PPP3CC: variants seen among roughly 807,000 people sequenced by gnomAD.
The protein encoded by PPP3CC is serine/threonine-protein phosphatase 2B catalytic subunit gamma isoform.
Under a neutral mutation model 60.3 loss-of-function variants are expected in PPP3CC, and 35 were observed. The observed-to-expected ratio is 0.58, with a 90% CI of 0.44 to 0.77. The LOEUF is 0.77. PPP3CC is among the 30% of genes least tolerant of loss of function. PPP3CC has a pLI of 0.00. For missense variants in PPP3CC, 570 were observed against 628.9 expected (o/e 0.91, Z 1.00); for synonymous variants, 206 against 224.3 (o/e 0.92, Z 0.73).
chr8:22,528,199 A>G (rs926175318), intron 9 of PPP3CC, among the ~76,000 whole-genome samples: 1 of 152,174 alleles, frequency 6.6e-6, no homozygotes, highest in Non-Finnish European at 1.5e-5. Flanking sequence ...GTAAAGTGGG[A>G]AAAAAATTTT....
At chr8:22,536,539 GC>G (rs1411674303) in intron 12 of PPP3CC, among the ~76,000 whole-genome samples, 1 of 152,218 alleles carries the variant, frequency 6.6e-6, no homozygotes, top group Non-Finnish European at 1.5e-5. Context: ...TTTGGGCTCA[GC>G]CCCAAAGTAT....
chr8:22,492,926 C>T, intron 3 of PPP3CC: 15 of 1,236,352 alleles, frequency 1.2e-5, no homozygotes, highest in Middle Eastern at 2.4e-4. Context: ...GCATCTTAAA[C>T]CAGCTTGGTG....
chr8:22,522,228 G>C (rs988893072), intron 6 of PPP3CC, among the ~76,000 whole-genome samples: 12 of 151,838 alleles, frequency 7.9e-5, no homozygotes, highest in African/African-American at 2.7e-4. Flanking sequence ...TATGGATTAA[G>C]ACAAAAAAAT....
intron 4 of PPP3CC, among the ~76,000 whole-genome samples, chr8:22,507,748 T>C (rs897776079): frequency 2.6e-5 from 4 of 152,180 alleles, no homozygotes; most frequent in Non-Finnish European, 5.9e-5. Context: ...GTTTAGGGTG[T>C]TATTATTATT....
intron 9 of PPP3CC, among the ~76,000 whole-genome samples, chr8:22,528,157 C>T (rs776774361): frequency 1.3e-5 from 2 of 152,112 alleles, no homozygotes; most frequent in Non-Finnish European, 2.9e-5. Context: ...ATTAGCTAAG[C>T]CTGTTGGACG....
intron 1 of PPP3CC, among the ~76,000 whole-genome samples, chr8:22,460,164 T>G (rs939799348): frequency 6.6e-6 from 1 of 152,172 alleles, no homozygotes; most frequent in East Asian, 1.9e-4. Flanking sequence ...TATTGTTTTT[T>G]GTTTTGTGCT....
rs1355973327 is a variant in PPP3CC at position 22,475,573 on chromosome 8, A to G, written c.321A>G (p.Thr107=). The G allele has an allele frequency of 6.2e-7, 1 of 1,613,156 alleles. No homozygotes were observed. The highest frequency in any genetic ancestry group is 1.7e-5 in the Admixed American group (1 of 60,004). The change falls in exon 3 of 14, where the codon ACA becomes ACG. Residue 107 remains threonine (T), a synonymous_variant. Transcript: ENST00000240139. ...LFEVGGSPSN[T]RYLFLGDYVD... Reference sequence around the variant, plus strand: ...AAGTTGGAGGATCACCTAGTAACACACGCTACCTCTTTCTGGGTGACTATG... The same window carrying G: ...AAGTTGGAGGATCACCTAGTAACACGCGCTACCTCTTTCTGGGTGACTATG...
chr8:22,463,993 G>A (rs1215817712), intron 1 of PPP3CC, among the ~76,000 whole-genome samples: 2 of 151,960 alleles, frequency 1.3e-5, no homozygotes, highest in Non-Finnish European at 2.9e-5. Flanking sequence ...TCACCATGTT[G>A]GTCAGGCTGG....
At chr8:22,519,317 G>A (rs1024127866) in intron 6 of PPP3CC, among the ~76,000 whole-genome samples, 4 of 152,130 alleles carry the variant, frequency 2.6e-5, no homozygotes. Flanking sequence ...GTTGGGTCTT[G>A]TTTTCATCCA....
intron 10 of PPP3CC, among the ~76,000 whole-genome samples, chr8:22,531,535 T>A (rs183365679): frequency 1.2e-3 from 183 of 152,346 alleles, no homozygotes; most frequent in African/African-American, 4.0e-3. Flanking sequence ...GCCATGTTTC[T>A]TTTTCTGACT....
At chr8:22,445,097 T>A (rs1399387944) in intron 1 of PPP3CC, among the ~76,000 whole-genome samples, 1 of 152,242 alleles carries the variant, frequency 6.6e-6, no homozygotes, top group Non-Finnish European at 1.5e-5. Context: ...CATTTCTCCC[T>A]TTCTCTTAGA....
intron 6 of PPP3CC, among the ~76,000 whole-genome samples, chr8:22,521,203 A>G (rs954662421): frequency 5.3e-5 from 8 of 152,312 alleles, no homozygotes; most frequent in African/African-American, 1.9e-4. Flanking sequence ...TACCAGAGGA[A>G]TGGACAGGCA....
At chr8:22,537,319 T>C (rs1208144742) in intron 12 of PPP3CC, among the ~76,000 whole-genome samples, 1 of 152,174 alleles carries the variant, frequency 6.6e-6, no homozygotes, top group East Asian at 1.9e-4. Flanking sequence ...TTGACATCAT[T>C]AGACATTCAG....
At chr8:22,513,952 A>T (rs1839165302) in intron 6 of PPP3CC, among the ~76,000 whole-genome samples, 1 of 152,200 alleles carries the variant, frequency 6.6e-6, no homozygotes, top group African/African-American at 2.4e-5. Context: ...GACACTCAAA[A>T]ATAGGAAGAC....
intron 4 of PPP3CC, among the ~76,000 whole-genome samples, chr8:22,509,558 A>AT (rs1839022554): frequency 6.6e-6 from 1 of 151,972 alleles, no homozygotes; most frequent in African/African-American, 2.4e-5. Flanking sequence ...TTAAACACCC[A>AT]TTTTCCAGTT....
At chr8:22,455,471 G>C (rs1261115957) in intron 1 of PPP3CC, among the ~76,000 whole-genome samples, 2 of 152,064 alleles carry the variant, frequency 1.3e-5, no homozygotes, top group Non-Finnish European at 2.9e-5. Context: ...GTTTTTTTAT[G>C]TGTGTGCCTA....
chr8:22,482,105 C>T (rs566975533), intron 3 of PPP3CC, among the ~76,000 whole-genome samples: 5 of 152,174 alleles, frequency 3.3e-5, no homozygotes, highest in Admixed American at 1.3e-4. Flanking sequence ...TGAGGAATCA[C>T]CCCACTGTCT....
At chr8:22,487,767 C>G (rs1838268491) in intron 3 of PPP3CC, among the ~76,000 whole-genome samples, 1 of 152,112 alleles carries the variant, frequency 6.6e-6, no homozygotes, top group African/African-American at 2.4e-5. Context: ...ATTAAAAGCA[C>G]AGAAGCTGCC....
At position 22,513,383 on chromosome 8, in the gene PPP3CC, T is replaced by C. The variant is rs754509602; in HGVS notation, c.721T>C (p.Leu241=). 5.6e-6 allele frequency: 9 copies of C among 1,613,936 alleles called. No homozygotes were observed. Among genetic ancestry groups the C allele is most frequent in the African/African-American group, 5.3e-5 (4 of 74,916 alleles). Reference sequence around the variant, plus strand: ...AGAGGATTATGGCAATGAGAAGACCTTGGAGCACTATACCCACAACACTGT... The same window carrying C: ...AGAGGATTATGGCAATGAGAAGACCCTGGAGCACTATACCCACAACACTGT... The part of the protein sequence containing the change: ...PSEDYGNEKT[L]EHYTHNTVRG... The change falls in exon 6 of 14, where the codon TTG becomes CTG. Residue 241 remains leucine (L), a synonymous_variant. Transcript: ENST00000240139.
Sources: allele counts gnomAD v4.1 joint callset (sites outside exome capture counted in the v4.1 genomes callset), GRCh38; gene constraint gnomAD v4.1.1; transcripts MANE v1.5; gene names NCBI Gene and HGNC (gene_info 2026-07-23, HGNC 2026-07-21).